PTGFR: variants seen among roughly 807,000 people sequenced by gnomAD.
PTGFR encodes the protein prostaglandin F2-alpha receptor.
In PTGFR, 15 loss-of-function variants were observed where a neutral mutation model predicts 26.2. That is an observed-to-expected ratio of 0.57 (90% CI 0.38 to 0.88). The LOEUF (loss-of-function observed/expected upper bound fraction) is 0.88, where lower values mean the gene tolerates loss of function less well. Ranked by LOEUF, PTGFR falls within the 40% of genes least tolerant of loss-of-function variation. The pLI, the probability that PTGFR is intolerant of heterozygous loss-of-function variation, is 0.00. For missense variants in PTGFR, 369 were observed against 427.2 expected, an observed-to-expected ratio of 0.86 and a Z score of 1.20; for synonymous variants, 165 against 151.1, an observed-to-expected ratio of 1.09 and a Z score of -0.68.
chr1:78,503,276 C>G (rs1262717079), intron 2 of PTGFR, among the ~76,000 whole-genome samples: 1 of 151,938 alleles, frequency 6.6e-6, no homozygotes, highest in Non-Finnish European at 1.5e-5. Flanking sequence ...GTATTTTATA[C>G]TATCTTTTGA....
chr1:78,509,961 C>G (rs1239671651), intron 2 of PTGFR, among the ~76,000 whole-genome samples: 1 of 152,194 alleles, frequency 6.6e-6, no homozygotes, highest in Non-Finnish European at 1.5e-5. Flanking sequence ...CCACCCTTCT[C>G]TTGGACTTCT....
intron 2 of PTGFR, among the ~76,000 whole-genome samples, chr1:78,535,363 T>C (rs1206673580): frequency 2.6e-5 from 4 of 152,158 alleles, no homozygotes; most frequent in Non-Finnish European, 4.4e-5. Context: ...TTGTACTTTA[T>C]TGTGTAGACA....
At chr1:78,494,500 G>A (rs1430724703) in intron 2 of PTGFR, among the ~76,000 whole-genome samples, 1 of 152,244 alleles carries the variant, frequency 6.6e-6, no homozygotes, top group African/African-American at 2.4e-5. Flanking sequence ...CAAAGGTAGT[G>A]GTTGTACCTT....
chr1:78,534,586 C>A (rs902787276), intron 2 of PTGFR, among the ~76,000 whole-genome samples: 3 of 152,058 alleles, frequency 2.0e-5, no homozygotes, highest in African/African-American at 7.2e-5. Flanking sequence ...GAATTTGAGA[C>A]AAACAAAATG....
chr1:78,532,128 A>AGAAAACAAAATGCAATAAG (rs1650522763), intron 2 of PTGFR: 1 of 364,624 alleles, frequency 2.7e-6, no homozygotes, highest in Non-Finnish European at 5.3e-6. Context: ...TTGTAACTAG[A>AGAAAACAAAATGCAATAAG]GAAAACAAAA....
At chr1:78,526,761 C>A (rs923950879) in intron 2 of PTGFR, among the ~76,000 whole-genome samples, 2 of 151,964 alleles carry the variant, frequency 1.3e-5, no homozygotes, top group African/African-American at 4.8e-5. Context: ...GAATGAGGTG[C>A]CTTGGTGAAG....
intron 2 of PTGFR, among the ~76,000 whole-genome samples, chr1:78,499,190 T>G (rs1649636405): frequency 6.6e-6 from 1 of 152,152 alleles, no homozygotes; most frequent in African/African-American, 2.4e-5. Flanking sequence ...CCTCTTGACA[T>G]TCACGTGACT....
Position 78,492,655 on chromosome 1 carries a change from C to T in PTGFR, c.-72-17C>T, listed in dbSNP as rs996098425. ...CAGTAATGCGGTGTTCATAATTCCT[C>T]TCCCTTTATCCTACAGATGTCTGGA... On this transcript the variant is annotated splice_polypyrimidine_tract_variant and intron_variant, in intron 1 of 2. Transcript: ENST00000370757. 3.9e-6 allele frequency: 5 copies of T among 1,274,256 alleles called. No individual in the cohort carries two copies. In the African/African-American group the frequency reaches 4.5e-5, roughly 11 times the overall value. 78.9% of individuals were successfully genotyped at this position (1,274,256 alleles called of 1,614,324 possible).
chr1:78,517,229 A>T (rs889567373), intron 2 of PTGFR, among the ~76,000 whole-genome samples: 4 of 152,118 alleles, frequency 2.6e-5, no homozygotes, highest in Non-Finnish European at 5.9e-5. Flanking sequence ...ATTCAATAAA[A>T]TTTTTTATCA....
chr1:78,516,328 ATATAT>A (rs1232923031), intron 2 of PTGFR, among the ~76,000 whole-genome samples: 1 of 152,234 alleles, frequency 6.6e-6, no homozygotes, highest in East Asian at 1.9e-4. Flanking sequence ...ATTACTGGCC[ATATAT>A]TATATTTGAA....
At chr1:78,528,151 G>GATTTAACCC (rs1383984520) in intron 2 of PTGFR, among the ~76,000 whole-genome samples, 2 of 151,838 alleles carry the variant, frequency 1.3e-5, no homozygotes, top group Non-Finnish European at 2.9e-5. Context: ...TATGATCAGA[G>GATTTAACCC]ATTTGACCCA....
At chr1:78,497,586 A>T (rs1649585401) in intron 2 of PTGFR, among the ~76,000 whole-genome samples, 1 of 152,208 alleles carries the variant, frequency 6.6e-6, no homozygotes, top group Non-Finnish European at 1.5e-5. Flanking sequence ...AGAATATGCA[A>T]GCCTAAAAGG....
chr1:78,510,466 T>A (rs1570280275), intron 2 of PTGFR, among the ~76,000 whole-genome samples: 1 of 151,916 alleles, frequency 6.6e-6, no homozygotes, highest in African/African-American at 2.4e-5. Context: ...AACAAGCAGA[T>A]CTCATGAGAA....
intron 2 of PTGFR, among the ~76,000 whole-genome samples, chr1:78,497,222 A>G (rs1322064738): frequency 6.6e-6 from 1 of 152,200 alleles, no homozygotes; most frequent in South Asian, 2.1e-4. Flanking sequence ...TTAAATTTTT[A>G]CAATATCTGG....
rs1480901281 is a variant in PTGFR, at chr1:78,539,431, C to A, written c.*2744C>A. The A allele has an allele frequency of 6.6e-6, 1 of 152,398 alleles. No individual in the cohort carries two copies. Among genetic ancestry groups the A allele is most frequent in the Non-Finnish European group, 1.5e-5 (1 of 67,970 alleles). 9.4% of individuals were successfully genotyped at this position (152,398 alleles called of 1,614,324 possible). On this transcript the variant is annotated 3_prime_UTR_variant, in exon 3 of 3. Coordinates refer to ENST00000370757, the MANE Select transcript of PTGFR (RefSeq NM_000959.4). ...ACCATCATTGTTCCAAATTAAATAA[C>A]TGTTTTGGGTCAGAATATAAATGCT... is the stretch of plus-strand genomic sequence containing the variant.
chr1:78,516,245 T>C (rs1040398684), intron 2 of PTGFR, among the ~76,000 whole-genome samples: 3 of 152,230 alleles, frequency 2.0e-5, no homozygotes, highest in Non-Finnish European at 4.4e-5. Context: ...AAAATATTTA[T>C]GACTATGTAT....
intron 2 of PTGFR, among the ~76,000 whole-genome samples, chr1:78,526,114 A>T (rs1201377770): frequency 2.6e-5 from 4 of 152,100 alleles, no homozygotes; most frequent in African/African-American, 9.7e-5. Context: ...AGTGAAAAAA[A>T]GGTCCTGCCC....
At chr1:78,520,260 A>G (rs1290846306) in intron 2 of PTGFR, among the ~76,000 whole-genome samples, 1 of 152,090 alleles carries the variant, frequency 6.6e-6, no homozygotes, top group Non-Finnish European at 1.5e-5. Context: ...ACAAATATAT[A>G]CTTGTTGATC....
intron 2 of PTGFR, among the ~76,000 whole-genome samples, chr1:78,527,851 C>A (rs1650408597): frequency 6.6e-6 from 1 of 152,030 alleles, no homozygotes; most frequent in South Asian, 2.1e-4. Context: ...TACTGAATGC[C>A]AGTATGTACC....
Sources: gnomAD v4.1 joint callset for allele counts (sites outside exome capture counted in the v4.1 genomes callset) on GRCh38, gnomAD v4.1.1 for gene constraint, MANE v1.5 for transcripts, NCBI Gene and HGNC (gene_info 2026-07-23, HGNC 2026-07-21) for gene names.